Variants in ZBTB32 observed in about 807,000 individuals in gnomAD.
The protein encoded by ZBTB32 is zinc finger and BTB domain containing 32.
In ZBTB32, 28 loss-of-function variants were observed where a neutral mutation model predicts 45.3. That is an observed-to-expected ratio of 0.62 (90% CI 0.46 to 0.85). The LOEUF (loss-of-function observed/expected upper bound fraction) is 0.85, where lower values mean the gene tolerates loss of function less well. ZBTB32 is among the 40% of genes least tolerant of loss of function. ZBTB32 has a pLI of 0.00. For missense variants in ZBTB32, 587 were observed against 624.4 expected, an observed-to-expected ratio of 0.94 and a Z score of 0.64; for synonymous variants, 283 against 255.7, an observed-to-expected ratio of 1.11 and a Z score of -1.02.
Position 35,716,269 on chromosome 19 carries a change from G to A in ZBTB32, c.1161G>A (p.Gln387=). The A allele has an allele frequency of 6.2e-7, 1 of 1,613,142 alleles. No homozygotes were observed. Among genetic ancestry groups the A allele is most frequent in the Non-Finnish European group, 8.5e-7 (1 of 1,179,738 alleles). Residue 387 remains glutamine, a synonymous_variant, in exon 6 of 7, where the codon CAG becomes CAA. Coordinates refer to ENST00000392197, the MANE Select transcript of ZBTB32 (RefSeq NM_014383.3). ...VCGKRFSLKH[Q]METHYRVHTG... ...GAAAGAGGTTTTCACTCAAGCATCA[G>A]ATGGAGACGCACTACCGAGTCCACA... is the stretch of plus-strand genomic sequence containing the variant.
chr19:35,710,623 G>A (rs1183381415), intron 1 of ZBTB32, among the ~76,000 whole-genome samples: 2 of 152,074 alleles, frequency 1.3e-5, no homozygotes, highest in African/African-American at 2.4e-5. Context: ...GTGTGATGGT[G>A]CATGCCCGTA....
chr19:35,715,194 A>G lies in ZBTB32; in HGVS notation c.568A>G (p.Arg190Gly), dbSNP rs765950751. The G allele has an allele frequency of 1.9e-6, 3 of 1,610,434 alleles. 1 individual carries two copies. The highest frequency in any genetic ancestry group is 2.2e-5 in the South Asian group (2 of 90,988). The change falls in exon 3 of 7, where the codon AGG (arginine) becomes GGG (glycine). Residue 190 changes from arginine to glycine, a missense_variant. Physicochemically the swap from Arg to Gly is moderately radical, Grantham distance 125. Transcript: ENST00000392197. ...GCAGGAGGCTCAGCAGGAACAGACC[A>G]GGTCAAAGGAGAAACGCCTCCAAGC... is the stretch of plus-strand genomic sequence containing the variant. ...ATQEAQQEQTRSKEKRLQAPV... is the reference protein window; with the variant it reads ...ATQEAQQEQTGSKEKRLQAPV...
At chr19:35,709,449 G>A (rs566733597) in intron 1 of ZBTB32, among the ~76,000 whole-genome samples, 1 of 152,208 alleles carries the variant, frequency 6.6e-6, no homozygotes, top group Non-Finnish European at 1.5e-5. Context: ...GTTACATCAA[G>A]CTGGGTTGTG....
At chr19:35,711,008 A>T (rs1190896469) in intron 1 of ZBTB32, among the ~76,000 whole-genome samples, 2 of 152,162 alleles carry the variant, frequency 1.3e-5, no homozygotes, top group Admixed American at 1.3e-4. Context: ...TTGTTCACTG[A>T]AAGGGGAGTT....
Sources: allele counts gnomAD v4.1 joint callset (sites outside exome capture counted in the v4.1 genomes callset), GRCh38; gene constraint gnomAD v4.1.1; transcripts MANE v1.5; gene names NCBI Gene and HGNC (gene_info 2026-07-23, HGNC 2026-07-21).